The following SETD5 variants were observed in gnomAD, a reference collection of about 807,000 sequenced individuals.
The protein encoded by SETD5 is SET domain containing 5.
Under a neutral mutation model 153.3 loss-of-function variants are expected in SETD5, and 44 were observed. The observed-to-expected ratio is 0.29, with a 90% CI of 0.23 to 0.37. The LOEUF (loss-of-function observed/expected upper bound fraction) is 0.37, where lower values mean the gene tolerates loss of function less well. Among genes scored for constraint, SETD5 ranks in the 10% least tolerant of loss-of-function variants. The probability of loss-of-function intolerance (pLI) is 1.00; values close to 1 mark genes in which losing one functional copy is unlikely to be tolerated. For synonymous variants in SETD5, 716 were observed against 645.2 expected (o/e 1.11, Z -1.66); for missense variants, 1,544 against 1,768.0 (o/e 0.87, Z 2.27).
At chr3:9,442,366 G>A (rs1319354668) in intron 10 of SETD5, 121 bp downstream of exon 10, 10 of 719,858 alleles carry the variant, frequency 1.4e-5, no homozygotes, top group South Asian at 3.5e-5. Context: ...ATATTTCATC[G>A]TGGGAGGTGA....
chr3:9,429,014 G>T lies in SETD5; in HGVS notation c.71+5G>T. Reference sequence around the variant, plus strand: ...AGATATGGCTGCTGGATCAGAGTAAGTGCTACTTTCTAGGTAGTAGGTACA... The same window carrying T: ...AGATATGGCTGCTGGATCAGAGTAATTGCTACTTTCTAGGTAGTAGGTACA... On this transcript the variant is annotated splice_donor_5th_base_variant and intron_variant, in intron 3 of 22. Coordinates refer to ENST00000402198, the MANE Select transcript of SETD5 (RefSeq NM_001080517.3). 6.2e-7 allele frequency: 1 copy of T among 1,609,802 alleles called. No homozygotes were observed. The highest frequency in any genetic ancestry group is 8.5e-7 in the Non-Finnish European group (1 of 1,176,916).
chr3:9,451,282 T>C (rs775027345), intron 16 of SETD5, among the ~76,000 whole-genome samples: 6 of 152,246 alleles, frequency 3.9e-5, no homozygotes, highest in Non-Finnish European at 7.3e-5. Context: ...ATCTGCTCAG[T>C]GTTCAGTACT....
intron 1 of SETD5, among the ~76,000 whole-genome samples, chr3:9,419,427 A>G (rs545916836): frequency 6.6e-6 from 1 of 152,178 alleles, no homozygotes; most frequent in Non-Finnish European, 1.5e-5. Context: ...AAGGCTGGGC[A>G]TGGCAGTATG....
intron 1 of SETD5, among the ~76,000 whole-genome samples, chr3:9,420,716 T>A (rs1488583421): frequency 1.3e-5 from 2 of 152,334 alleles, no homozygotes; most frequent in African/African-American, 4.8e-5. Flanking sequence ...AAGCCTAATT[T>A]TACTGTTCCA....
rs765313596 is a variant in SETD5 at position 9,447,092 on chromosome 3, G to C, written c.1567G>C (p.Glu523Gln). The C allele has an allele frequency of 1.2e-6, 2 of 1,612,462 alleles. No individual in the cohort carries two copies. The highest frequency in any genetic ancestry group is 1.7e-6 in the Non-Finnish European group (2 of 1,179,148). ...GGTAGAAGCCATCATGCATGCTTTTGAAAACTTAGAGAAAAGAAAGAAGCG... is the reference window on the plus strand; with the variant it reads ...GGTAGAAGCCATCATGCATGCTTTTCAAAACTTAGAGAAAAGAAAGAAGCG... ...RKVEAIMHAF[E>Q]NLEKRKKRRD... Residue 523 changes from glutamate to glutamine, a missense_variant, in exon 14 of 23, where the codon GAA becomes CAA. Transcript: ENST00000402198.
At chr3:9,465,762 A>G (rs2044481395) in intron 18 of SETD5, among the ~76,000 whole-genome samples, 1 of 152,204 alleles carries the variant, frequency 6.6e-6, no homozygotes. Flanking sequence ...TCAGTTATCT[A>G]GGGAAATTAC....
rs747491390 is a variant in SETD5 at position 9,445,037 on chromosome 3, CT to C, written c.1188-8del. 3 of 1,610,160 alleles carry C rather than the reference CT, an allele frequency of 1.9e-6. No homozygotes were observed. The highest frequency in any genetic ancestry group is 3.4e-5 in the Admixed American group (2 of 59,552). On this transcript the variant is annotated splice_polypyrimidine_tract_variant and intron_variant, in intron 11 of 22. Coordinates refer to ENST00000402198, the MANE Select transcript of SETD5 (RefSeq NM_001080517.3). ...ACTGAGACAGGCATTTTGGTTGTTTCTTTGGAGCAGTAATTATAAAGTGGAC... is the reference window on the plus strand; with the variant it reads ...ACTGAGACAGGCATTTTGGTTGTTTCTTGGAGCAGTAATTATAAAGTGGAC...
At chr3:9,426,964 C>T (rs1559384578) in intron 2 of SETD5, among the ~76,000 whole-genome samples, 3 of 152,182 alleles carry the variant, frequency 2.0e-5, no homozygotes, top group Non-Finnish European at 2.9e-5. Flanking sequence ...CTCACCTCAG[C>T]CTCTACCTCC....
chr3:9,399,555 A>G (rs1392603651), intron 1 of SETD5, among the ~76,000 whole-genome samples: 1 of 152,166 alleles, frequency 6.6e-6, no homozygotes, highest in African/African-American at 2.4e-5. Context: ...CATTATGTGT[A>G]GAAAAATGAA....
In SETD5 at chr3:9,429,759, T is replaced by A. The variant is rs533643882; in HGVS notation, c.71+750T>A. On this transcript the variant is annotated intron_variant, in intron 3 of 22. Transcript: ENST00000402198. ...CCTTCTCTTTTAAGTTGTCCGAGAT[T>A]CCCCCTGCTCACAGATTCCCCCTCT... 1.3e-5 allele frequency: 14 copies of A among 1,066,502 alleles called. No homozygotes were observed. The South Asian group carries it at 1.5e-4, about 11-fold the overall frequency. The allele number at this position is 1,066,502 out of a possible 1,614,324, so 66.1% of individuals were successfully genotyped here.
At chr3:9,469,971 T>G (rs2045110020) in intron 18 of SETD5, among the ~76,000 whole-genome samples, 1 of 152,226 alleles carries the variant, frequency 6.6e-6, no homozygotes, top group Admixed American at 6.5e-5. Flanking sequence ...TGCCTTTCCG[T>G]CTACCTTCTC....
intron 17 of SETD5, among the ~76,000 whole-genome samples, chr3:9,457,955 G>A (rs1187138554): frequency 6.6e-6 from 1 of 151,868 alleles, no homozygotes; most frequent in Non-Finnish European, 1.5e-5. Context: ...TAATAATGAA[G>A]TACTTTCTCT....
chr3:9,431,828 C>T (rs1412663733), intron 3 of SETD5: 2 of 628,238 alleles, frequency 3.2e-6, no homozygotes, highest in African/African-American at 4.0e-5. Flanking sequence ...TTCCTGTCCC[C>T]CTCCCACCAA....
At chr3:9,403,561 T>A (rs1016081056) in intron 1 of SETD5, among the ~76,000 whole-genome samples, 2 of 152,226 alleles carry the variant, frequency 1.3e-5, no homozygotes, top group Admixed American at 1.3e-4. Flanking sequence ...TGGGTTGCCA[T>A]ATGTAAAATG....
In SETD5 at chr3:9,447,765, G is replaced by A. The variant is rs2042186983; in HGVS notation, c.1862G>A (p.Arg621Gln). 1.2e-6 allele frequency: 2 copies of A among 1,613,930 alleles called. No homozygotes were observed. Among genetic ancestry groups the A allele is most frequent in the Non-Finnish European group, 1.7e-6 (2 of 1,179,882 alleles). Residue 621 changes from arginine (R) to glutamine (Q), a missense_variant, in exon 15 of 23, where the codon CGG becomes CAG. Around this residue, in one of 9 missense-constraint regions of SETD5, gnomAD observed 782 missense variants for 787.2 expected, o/e 0.99. Coordinates refer to ENST00000402198, the MANE Select transcript of SETD5 (RefSeq NM_001080517.3). ...CCCCGGCCGAAGAGTCGAATTTCTC[G>A]GTACAGGACCAGTTCAGCCCAAAGA... ...SRPRPKSRIS[R>Q]YRTSSAQRLK...
intron 11 of SETD5, among the ~76,000 whole-genome samples, chr3:9,443,874 G>A (rs2041607734): frequency 6.6e-6 from 1 of 152,062 alleles, no homozygotes; most frequent in Non-Finnish European, 1.5e-5. Context: ...GACCATCCTG[G>A]CCAATGATGA....
chr3:9,428,823 GA>G lies in SETD5; in HGVS notation c.-115del, dbSNP rs1429061367. The G allele has an allele frequency of 3.9e-6, 2 of 519,358 alleles. No homozygotes were observed. Among genetic ancestry groups the G allele is most frequent in the Non-Finnish European group, 6.9e-6 (2 of 290,794 alleles). The allele number at this position is 519,358 out of a possible 1,614,324, so 32.2% of individuals were successfully genotyped here. On this transcript the variant is annotated splice_region_variant and 5_prime_UTR_variant, in exon 3 of 23. Transcript: ENST00000402198. The stretch of plus-strand genomic sequence containing the variant: ...TAGATATTTTCCTTTTCTGTTACAG[GA>G]TTCCTCATGTCCATAACATGTTGGA...
At chr3:9,416,838 A>G (rs1295686497) in intron 1 of SETD5, among the ~76,000 whole-genome samples, 1 of 152,174 alleles carries the variant, frequency 6.6e-6, no homozygotes, top group Non-Finnish European at 1.5e-5. Flanking sequence ...GAGGTTATAG[A>G]TAAAATAAGA....
rs370087030 is a variant in SETD5 at position 9,428,971 on chromosome 3, A to G, written c.33A>G (p.Thr11=). 2.5e-5 allele frequency: 41 copies of G among 1,613,312 alleles called. No individual in the cohort carries two copies. In the African/African-American group the frequency reaches 4.8e-4, roughly 19 times the overall value. The change falls in exon 3 of 23, where the codon ACA becomes ACG. Residue 11 remains threonine, a synonymous_variant. Transcript: ENST00000402198. ...TTGCAATCCCTCTGGGAGTCACCAC[A>G]TCAGATACATCCTACTCAGATATGG... The part of the protein sequence containing the change: MSIAIPLGVT[T]SDTSYSDMAA...
Sources: gnomAD v4.1 joint callset for allele counts (sites outside exome capture counted in the v4.1 genomes callset) on GRCh38, gnomAD v4.1.1 for gene constraint, gnomAD v4.1.1 regional missense constraint, MANE v1.5 for transcripts, NCBI Gene and HGNC (gene_info 2026-07-23, HGNC 2026-07-21) for gene names.